The following LRRC58 variants were observed in gnomAD, a reference collection of about 807,000 sequenced individuals.
LRRC58 encodes leucine rich repeat containing 58.
A neutral mutation model predicts 30.6 loss-of-function variants in LRRC58; 18 were observed. The ratio of observed to expected loss-of-function variants is 0.59; its 90% CI spans 0.41 to 0.87. The LOEUF (loss-of-function observed/expected upper bound fraction) is 0.87, where lower values mean the gene tolerates loss of function less well. LRRC58 is among the 40% of genes least tolerant of loss of function. The pLI, the probability that LRRC58 is intolerant of heterozygous loss-of-function variation, is 0.00. For synonymous variants in LRRC58, 221 were observed against 206.0 expected, an observed-to-expected ratio of 1.07 and a Z score of -0.62; for missense variants, 420 against 468.4, an observed-to-expected ratio of 0.90 and a Z score of 0.95.
Position 120,349,169 on chromosome 3 carries a change from G to A in LRRC58, c.75C>T (p.Thr25=), listed in dbSNP as rs1936021158. ...CCTCCAGCTCAGACTCCAGCGTCTCGGTGGACACGCTGAGGCGGGACCAGT... is the reference window on the plus strand; with the variant it reads ...CCTCCAGCTCAGACTCCAGCGTCTCAGTGGACACGCTGAGGCGGGACCAGT... The part of the protein sequence containing the change: ...ELNWSRLSVS[T]ETLESELEAR... Residue 25 remains threonine (T), a synonymous_variant, in exon 1 of 4, where the codon ACC becomes ACT. Transcript: ENST00000295628. 1 of 1,498,492 alleles carries A rather than the reference G, an allele frequency of 6.7e-7. No individual in the cohort carries two copies. 92.8% of individuals were successfully genotyped at this position (1,498,492 alleles called of 1,614,324 possible).
At chr3:120,343,496 A>G (rs1935929570) in intron 1 of LRRC58, among the ~76,000 whole-genome samples, 1 of 152,224 alleles carries the variant, frequency 6.6e-6, no homozygotes, top group Non-Finnish European at 1.5e-5. Flanking sequence ...ACAGAAAACA[A>G]GAAAAGTACT....
rs754979811 is a variant in LRRC58 at position 120,335,837 on chromosome 3, G to A, written c.617C>T (p.Pro206Leu). ...LCDNKIQSIP[P>L]QLSQLHSLRS... ...TGGAACTACTCACTGTGAAAGTTGAGGAGGTATGCTTTGGATTTTGTTGTC... is the reference window on the plus strand; with the variant it reads ...TGGAACTACTCACTGTGAAAGTTGAAGAGGTATGCTTTGGATTTTGTTGTC... Residue 206 changes from proline (P) to leucine (L), a missense_variant, in exon 2 of 4, where the codon CCT (proline) becomes CTT (leucine). Pro to Leu is a moderately conservative substitution (Grantham distance 98). Coordinates refer to ENST00000295628, the MANE Select transcript of LRRC58 (RefSeq NM_001099678.2). 3.1e-6 allele frequency: 5 copies of A among 1,611,482 alleles called. No homozygotes were observed. Among genetic ancestry groups the A allele is most frequent in the Non-Finnish European group, 3.4e-6 (4 of 1,178,000 alleles).
intron 1 of LRRC58, among the ~76,000 whole-genome samples, chr3:120,339,977 C>T (rs1364691466): frequency 6.6e-6 from 1 of 152,182 alleles, no homozygotes; most frequent in African/African-American, 2.4e-5. Context: ...AATTCTACCT[C>T]AGCCTCCCGA....
At chr3:120,337,877 C>T (rs181600085) in intron 1 of LRRC58, among the ~76,000 whole-genome samples, 213 of 151,998 alleles carry the variant, frequency 1.4e-3, no homozygotes, top group Non-Finnish European at 2.6e-3. Flanking sequence ...CTTACTCTGT[C>T]GCCCAGGCTG....
At chr3:120,338,900 G>A (rs568618532) in intron 1 of LRRC58, among the ~76,000 whole-genome samples, 1 of 152,326 alleles carries the variant, frequency 6.6e-6, no homozygotes, top group East Asian at 1.9e-4. Flanking sequence ...GGTTAGGGGA[G>A]CACTGTGGGC....
chr3:120,339,603 C>A (rs540127939), intron 1 of LRRC58, among the ~76,000 whole-genome samples: 3 of 152,260 alleles, frequency 2.0e-5, no homozygotes, highest in East Asian at 1.9e-4. Context: ...CTTGGCACTA[C>A]GAAGATGCTG....
In LRRC58 at chr3:120,324,740, C is replaced by A. The variant is rs531727221; in HGVS notation, c.*6460G>T. On this transcript the variant is annotated 3_prime_UTR_variant, in exon 4 of 4. Transcript: ENST00000295628. ...GTAGAATTGAAGTAGCCCATATATT[C>A]TTTTAAGAGCATTTAGCATTACAAG... The A allele has an allele frequency of 2.0e-5, 3 of 152,144 alleles. No homozygotes were observed. Among genetic ancestry groups the A allele is most frequent in the South Asian group, 4.1e-4 (2 of 4,822 alleles). 9.4% of individuals were successfully genotyped at this position (152,144 alleles called of 1,614,324 possible).
In LRRC58 at chr3:120,349,175, C is replaced by G. The variant is rs6770482; in HGVS notation, c.69G>C (p.Val23=). Residue 23 remains valine (V), a synonymous_variant, in exon 1 of 4, where the codon GTG becomes GTC. Coordinates refer to ENST00000295628, the MANE Select transcript of LRRC58 (RefSeq NM_001099678.2). ...GCTCAGACTCCAGCGTCTCGGTGGA[C>G]ACGCTGAGGCGGGACCAGTTCAGTT... is the stretch of plus-strand genomic sequence containing the variant. The part of the protein sequence containing the change: ...EAELNWSRLS[V]STETLESELE... 182,613 of 1,494,612 alleles carry G rather than the reference C, an allele frequency of 0.12. 15,172 individuals are homozygous for G. Among genetic ancestry groups the G allele is most frequent in the African/African-American group, 0.37 (25,320 of 68,606 alleles). 92.6% of individuals were successfully genotyped at this position (1,494,612 alleles called of 1,614,324 possible).
chr3:120,337,761 G>GAT (rs1432516766), intron 1 of LRRC58, among the ~76,000 whole-genome samples: 2 of 151,872 alleles, frequency 1.3e-5, no homozygotes, highest in African/African-American at 4.8e-5. Flanking sequence ...ATATACAGAA[G>GAT]TTATACTACA....
chr3:120,341,101 C>T (rs987404592), intron 1 of LRRC58, among the ~76,000 whole-genome samples: 1 of 152,138 alleles, frequency 6.6e-6, no homozygotes, highest in African/African-American at 2.4e-5. Context: ...TTGAATTCTC[C>T]TACTGCAAGT....
At chr3:120,337,468 T>C (rs1025200642) in intron 1 of LRRC58, among the ~76,000 whole-genome samples, 3 of 152,182 alleles carry the variant, frequency 2.0e-5, no homozygotes, top group Admixed American at 1.3e-4. Flanking sequence ...TCATGAATTA[T>C]GCAGCTTTAT....
At chr3:120,345,641 G>C (rs1219943275) in intron 1 of LRRC58, among the ~76,000 whole-genome samples, 1 of 152,172 alleles carries the variant, frequency 6.6e-6, no homozygotes, top group African/African-American at 2.4e-5. Context: ...TAAATAGAAG[G>C]GGATGAATCG....
At chr3:120,334,200 C>T (rs1250166577) in intron 3 of LRRC58, among the ~76,000 whole-genome samples, 1 of 152,120 alleles carries the variant, frequency 6.6e-6, no homozygotes, top group Non-Finnish European at 1.5e-5. Flanking sequence ...AAGAAAACAT[C>T]ATTCAAATAA....
chr3:120,331,927 ACT>A (rs1935762907), intron 3 of LRRC58, among the ~76,000 whole-genome samples: 1 of 152,234 alleles, frequency 6.6e-6, no homozygotes, highest in African/African-American at 2.4e-5. Context: ...ATTTCCAAAG[ACT>A]GTAAATCTAC....
In LRRC58 at chr3:120,328,759, A is replaced by C. The variant is rs1935715705; in HGVS notation, c.*2441T>G. On this transcript the variant is annotated 3_prime_UTR_variant, in exon 4 of 4. Transcript: ENST00000295628. ...GAAAAAGAAACAGGGAAAATCTTAG[A>C]AATTATTAGCTGCTCTTACAAAAGT... is the stretch of plus-strand genomic sequence containing the variant. 1 of 152,216 alleles carries C rather than the reference A, an allele frequency of 6.6e-6. No individual in the cohort carries two copies. The allele number at this position is 152,216 out of a possible 1,614,324, so 9.4% of individuals were successfully genotyped here.
Position 120,331,307 on chromosome 3 carries a change from A to G in LRRC58, c.1009T>C (p.Ser337Pro). ...CTGTGAGAGGCAGAACTGCAAGGGG[A>G]AGAACATTCTGGTGAACACAAGTAG... is the stretch of plus-strand genomic sequence containing the variant. ...MHYLCSPECS[S>P]PCSSASHSST... The change falls in exon 4 of 4, where the codon TCC becomes CCC. Residue 337 changes from serine to proline, a missense_variant. Ser to Pro is a moderately conservative substitution (Grantham distance 74). This residue lies in a region of LRRC58 where 154 missense variants were observed against 216.8 expected (regional missense o/e 0.71). Coordinates refer to ENST00000295628, the MANE Select transcript of LRRC58 (RefSeq NM_001099678.2). 1 of 1,613,970 alleles carries G rather than the reference A, an allele frequency of 6.2e-7. No homozygotes were observed. The highest frequency in any genetic ancestry group is 1.7e-4 in the Middle Eastern group (1 of 6,060).
intron 1 of LRRC58, among the ~76,000 whole-genome samples, chr3:120,336,646 A>C (rs1209340957): frequency 6.6e-6 from 1 of 151,986 alleles, no homozygotes; most frequent in East Asian, 1.9e-4. Flanking sequence ...GGCTGTGTAA[A>C]TTGTCCACTA....
intron 1 of LRRC58, among the ~76,000 whole-genome samples, chr3:120,344,731 C>T (rs1444606898): frequency 6.6e-6 from 1 of 152,144 alleles, no homozygotes; most frequent in African/African-American, 2.4e-5. Context: ...CTGGATTTGC[C>T]AAACAATCCA....
At chr3:120,333,168 T>A (rs1347891375) in intron 3 of LRRC58, among the ~76,000 whole-genome samples, 1 of 151,816 alleles carries the variant, frequency 6.6e-6, no homozygotes, top group Non-Finnish European at 1.5e-5. Context: ...CAGACAGGCA[T>A]GAGCCACCAC....
Sources: gnomAD v4.1 joint callset for allele counts (sites outside exome capture counted in the v4.1 genomes callset) on GRCh38, gnomAD v4.1.1 for gene constraint, gnomAD v4.1.1 regional missense constraint, MANE v1.5 for transcripts, NCBI Gene and HGNC (gene_info 2026-07-23, HGNC 2026-07-21) for gene names.